PARG: variants seen among roughly 807,000 people sequenced by gnomAD.
PARG encodes the protein poly(ADP-ribose) glycohydrolase.
A neutral mutation model predicts 113.0 loss-of-function variants in PARG; 35 were observed. The ratio of observed to expected loss-of-function variants is 0.31; its 90% CI spans 0.24 to 0.41. The LOEUF (loss-of-function observed/expected upper bound fraction) is 0.41, where lower values mean the gene tolerates loss of function less well. Among genes scored for constraint, PARG ranks in the 10% least tolerant of loss-of-function variants. The probability of loss-of-function intolerance (pLI) is 1.00; values close to 1 mark genes in which losing one functional copy is unlikely to be tolerated. For synonymous variants in PARG, 330 were observed against 409.9 expected, an observed-to-expected ratio of 0.81 and a Z score of 2.36; for missense variants, 797 against 1,169.4, an observed-to-expected ratio of 0.68 and a Z score of 4.64.
chr10:49,925,455 C>G (rs1160350113), intron 4 of PARG, among the ~76,000 whole-genome samples: 1 of 152,152 alleles, frequency 6.6e-6, no homozygotes, highest in Non-Finnish European at 1.5e-5. Flanking sequence ...GCCTGCTGGA[C>G]CAAATCAATA....
At chr10:49,878,080 A>C (rs1273547842) in intron 9 of PARG, among the ~76,000 whole-genome samples, 1 of 152,100 alleles carries the variant, frequency 6.6e-6, no homozygotes, top group African/African-American at 2.4e-5. Flanking sequence ...GTGCACTGAG[A>C]AGGACACAGG....
chr10:49,900,180 G>A (rs1260427361), intron 7 of PARG, among the ~76,000 whole-genome samples: 1 of 151,226 alleles, frequency 6.6e-6, no homozygotes, highest in South Asian at 2.1e-4. Context: ...AGTGCAGGAC[G>A]AAGGAGGAGG....
At chr10:49,883,996 G>A (rs1158873358) in intron 8 of PARG, among the ~76,000 whole-genome samples, 2 of 151,900 alleles carry the variant, frequency 1.3e-5, no homozygotes, top group African/African-American at 2.4e-5. Flanking sequence ...ATGTCATAAG[G>A]ACAATCAATC....
At chr10:49,922,474 C>T (rs1243737395) in intron 5 of PARG, 55 bp from the exon 6 acceptor site, 2 of 1,609,592 alleles carry the variant, frequency 1.2e-6, no homozygotes, top group African/African-American at 2.7e-5. Flanking sequence ...TTTTGCATCA[C>T]AGAATCAAAG....
intron 1 of PARG, among the ~76,000 whole-genome samples, chr10:49,937,202 C>T (rs1174538479): frequency 2.0e-5 from 3 of 152,170 alleles, no homozygotes; most frequent in South Asian, 2.1e-4. Flanking sequence ...TTGGGCCGGG[C>T]GCAGTGGCTT....
intron 10 of PARG, among the ~76,000 whole-genome samples, chr10:49,865,704 C>CT (rs575315596): frequency 3.1e-4 from 46 of 148,784 alleles, no homozygotes; most frequent in East Asian, 3.0e-3. Context: ...GCTGAATACA[C>CT]TTTTTTTTAA....
chr10:49,935,507 TA>T (rs1472674598), intron 1 of PARG, among the ~76,000 whole-genome samples: 3 of 152,264 alleles, frequency 2.0e-5, no homozygotes, highest in African/African-American at 7.2e-5. Context: ...TCTCATGAGA[TA>T]AGGCTTAATT....
chr10:49,889,312 C>T (rs1185955020), intron 7 of PARG, among the ~76,000 whole-genome samples: 2 of 152,116 alleles, frequency 1.3e-5, no homozygotes, highest in African/African-American at 4.8e-5. Context: ...TTATTTAAAT[C>T]TTCAGCCAGA....
chr10:49,838,431 CAAAAAAAAA>C lies in PARG; in HGVS notation c.2541+3510_2541+3518del, dbSNP rs782657099. Among the ~76,000 whole-genome samples, 6 of 40,308 alleles carry C rather than the reference CAAAAAAAAA, an allele frequency of 1.5e-4. No homozygotes were observed. In the Admixed American group the frequency reaches 1.9e-3, roughly 13 times the overall value. The allele number at this position is 40,308 out of a possible 152,430, so 26.4% of individuals were successfully genotyped here. On this transcript the variant is annotated intron_variant, in intron 15 of 17. Coordinates refer to ENST00000616448, the MANE Select transcript of PARG (RefSeq NM_003631.5). ...GGGCACCAAGAGTGAAACTCCGTCT[CAAAAAAAAA>C]AAAAAAAAAAAAAAAAAAGATTTGA... is the stretch of plus-strand genomic sequence containing the variant.
intron 6 of PARG, among the ~76,000 whole-genome samples, chr10:49,921,413 C>G (rs564447599): frequency 9.2e-5 from 14 of 152,086 alleles, no homozygotes; most frequent in African/African-American, 3.1e-4. Context: ...AATAAACAGT[C>G]TGCTTTTCTT....
chr10:49,847,309 C>G (rs1845558528), intron 13 of PARG, among the ~76,000 whole-genome samples: 2 of 151,936 alleles, frequency 1.3e-5, no homozygotes, highest in Non-Finnish European at 2.9e-5. Context: ...ACATTAATTA[C>G]AGAATGAAAA....
rs797043407 is a variant in PARG at position 49,823,442 on chromosome 10, CCCAAA to C, written c.2648-3154_2648-3150del. Among the ~76,000 whole-genome samples the C allele has an allele frequency of 2.0e-4, 31 of 152,100 alleles. 1 individual carries two copies. Among genetic ancestry groups the C allele is most frequent in the African/African-American group, 7.5e-4 (31 of 41,514 alleles). The stretch of plus-strand genomic sequence containing the variant: ...AATACCATCAAAGTATGTCCTAATT[CCCAAA>C]CTAATATTTATTGAGTACCCACAAC... On this transcript the variant is annotated intron_variant, in intron 16 of 17. Coordinates refer to ENST00000616448, the MANE Select transcript of PARG (RefSeq NM_003631.5).
At chr10:49,843,222 C>G (rs1416741185) in intron 14 of PARG, among the ~76,000 whole-genome samples, 1 of 152,170 alleles carries the variant, frequency 6.6e-6, no homozygotes, top group Non-Finnish European at 1.5e-5. Context: ...AGGCTTTAAG[C>G]TCTAATTAGA....
intron 7 of PARG, among the ~76,000 whole-genome samples, chr10:49,904,576 T>G (rs1349175438): frequency 2.6e-5 from 4 of 151,630 alleles, no homozygotes; most frequent in African/African-American, 9.7e-5. Context: ...GGGGGATATA[T>G]GAGAAATCAG....
At chr10:49,865,906 C>A (rs1846491103) in intron 10 of PARG, among the ~76,000 whole-genome samples, 1 of 151,230 alleles carries the variant, frequency 6.6e-6, no homozygotes, top group Non-Finnish European at 1.5e-5. Flanking sequence ...AAATCATTTG[C>A]ACATCCTCTG....
chr10:49,838,694 C>A (rs1048167020), intron 15 of PARG, among the ~76,000 whole-genome samples: 1 of 151,882 alleles, frequency 6.6e-6, no homozygotes, highest in Non-Finnish European at 1.5e-5. Flanking sequence ...GCAAGAATTA[C>A]TTTTACTATT....
intron 7 of PARG, among the ~76,000 whole-genome samples, chr10:49,895,738 C>T (rs1220320398): frequency 3.9e-5 from 6 of 152,092 alleles, no homozygotes; most frequent in Middle Eastern, 3.4e-3. Context: ...CTGAGTCATC[C>T]GGTCCATGAG....
At chr10:49,907,887 C>T (rs1323422918) in intron 7 of PARG, among the ~76,000 whole-genome samples, 3 of 152,154 alleles carry the variant, frequency 2.0e-5, no homozygotes, top group Non-Finnish European at 4.4e-5. Flanking sequence ...ATAATGAAAT[C>T]AACACCACAG....
intron 16 of PARG, among the ~76,000 whole-genome samples, chr10:49,830,717 T>G (rs1434436639): frequency 6.6e-6 from 1 of 152,096 alleles, no homozygotes; most frequent in Non-Finnish European, 1.5e-5. Flanking sequence ...TGAAAAATAG[T>G]AACAAAGTCC....
Sources: gnomAD v4.1 joint callset for allele counts (sites outside exome capture counted in the v4.1 genomes callset) on GRCh38, gnomAD v4.1.1 for gene constraint, MANE v1.5 for transcripts, NCBI Gene and HGNC (gene_info 2026-07-23, HGNC 2026-07-21) for gene names.